Variants in PCDH9 observed in about 807,000 individuals in gnomAD.
PCDH9 encodes protocadherin-9.
A neutral mutation model predicts 70.6 loss-of-function variants in PCDH9; 24 were observed. That is an observed-to-expected ratio of 0.34 (90% CI 0.25 to 0.48). PCDH9 has a LOEUF of 0.48. PCDH9 is among the 20% of genes least tolerant of loss of function. The pLI is 0.99. For missense variants in PCDH9, 1,281 were observed against 1,503.6 expected, an observed-to-expected ratio of 0.85 and a Z score of 2.45; for synonymous variants, 562 against 558.5, an observed-to-expected ratio of 1.01 and a Z score of -0.09.
chr13:66,376,839 G>A (rs1161302949), intron 4 of PCDH9, among the ~76,000 whole-genome samples: 2 of 152,092 alleles, frequency 1.3e-5, no homozygotes, highest in African/African-American at 4.8e-5. Context: ...AAAAAAGATG[G>A]GCAAATGGCT....
At chr13:66,986,096 A>C (rs2083886580) in intron 2 of PCDH9, among the ~76,000 whole-genome samples, 1 of 152,060 alleles carries the variant, frequency 6.6e-6, no homozygotes, top group African/African-American at 2.4e-5. Flanking sequence ...GGGAGGCCTC[A>C]GGAAACTTAT....
intron 4 of PCDH9, among the ~76,000 whole-genome samples, chr13:66,630,381 T>TG (rs2077554174): frequency 6.6e-6 from 1 of 152,168 alleles, no homozygotes; most frequent in African/African-American, 2.4e-5. Context: ...AGACTGGGGA[T>TG]AATAATTGAT....
At chr13:66,705,231 A>G (rs1286475152) in intron 3 of PCDH9, among the ~76,000 whole-genome samples, 1 of 152,174 alleles carries the variant, frequency 6.6e-6, no homozygotes, top group Non-Finnish European at 1.5e-5. Context: ...TAAATGGCAC[A>G]TGTGCATGCC....
chr13:66,988,365 T>A (rs2083935836), intron 2 of PCDH9, among the ~76,000 whole-genome samples: 2 of 152,032 alleles, frequency 1.3e-5, no homozygotes, highest in Admixed American at 6.6e-5. Context: ...CCAGTTTCCC[T>A]TCCTTTTCTA....
At chr13:66,839,370 G>C (rs950059303) in intron 3 of PCDH9, among the ~76,000 whole-genome samples, 8 of 152,030 alleles carry the variant, frequency 5.3e-5, no homozygotes, top group African/African-American at 1.9e-4. Context: ...CTTTTCTCTA[G>C]TGTCTTTCCT....
chr13:66,467,533 G>GT (rs1958539260), intron 4 of PCDH9, among the ~76,000 whole-genome samples: 1 of 151,994 alleles, frequency 6.6e-6, no homozygotes, highest in Non-Finnish European at 1.5e-5. Context: ...TTACATCAGT[G>GT]TGCATATCCT....
At chr13:66,684,334 T>C (rs1007602295) in intron 3 of PCDH9, among the ~76,000 whole-genome samples, 1 of 152,174 alleles carries the variant, frequency 6.6e-6, no homozygotes, top group Non-Finnish European at 1.5e-5. Context: ...TTTACAGACA[T>C]GCCATCAATT....
chr13:66,790,671 T>A (rs1236976662), intron 3 of PCDH9, among the ~76,000 whole-genome samples: 1 of 152,032 alleles, frequency 6.6e-6, no homozygotes, highest in Non-Finnish European at 1.5e-5. Context: ...AATCCTATCC[T>A]TTTTCCCATG....
At chr13:67,191,915 T>C (rs989006907) in intron 2 of PCDH9, among the ~76,000 whole-genome samples, 2 of 152,112 alleles carry the variant, frequency 1.3e-5, no homozygotes, top group Non-Finnish European at 2.9e-5. Flanking sequence ...CAAGCCACTT[T>C]AGTACTCTGA....
chr13:67,159,698 A>G (rs1416104840), intron 2 of PCDH9, among the ~76,000 whole-genome samples: 2 of 152,204 alleles, frequency 1.3e-5, no homozygotes, highest in Non-Finnish European at 2.9e-5. Context: ...TTTGGCCTGA[A>G]AAATGGTAAC....
At chr13:66,583,540 C>A (rs1025608925) in intron 4 of PCDH9, among the ~76,000 whole-genome samples, 5 of 151,068 alleles carry the variant, frequency 3.3e-5, no homozygotes, top group African/African-American at 1.2e-4. Context: ...TGAATTCCGG[C>A]GGGGCGGAAG....
intron 3 of PCDH9, among the ~76,000 whole-genome samples, chr13:66,826,947 G>C (rs769035930): frequency 6.6e-6 from 1 of 152,150 alleles, no homozygotes; most frequent in Non-Finnish European, 1.5e-5. Context: ...ACCTGTAAAT[G>C]CTACCTTATA....
chr13:67,210,756 T>G (rs1400383288), intron 2 of PCDH9: 1 of 151,978 alleles, frequency 6.6e-6, no homozygotes, highest in Non-Finnish European at 1.5e-5. Context: ...AGAGAGAAAA[T>G]AATGTATTCT....
chr13:66,452,669 T>C (rs1958237326), intron 4 of PCDH9, among the ~76,000 whole-genome samples: 3 of 152,088 alleles, frequency 2.0e-5, no homozygotes, highest in Admixed American at 6.6e-5. Context: ...AATCCAAGAA[T>C]GCAATTACTT....
chr13:66,717,421 C>T (rs1381262397), intron 3 of PCDH9, among the ~76,000 whole-genome samples: 2 of 124,682 alleles, frequency 1.6e-5, no homozygotes, highest in Admixed American at 9.6e-5. Flanking sequence ...CACTGCACTC[C>T]AGCCTGGGTG....
At chr13:67,178,238 T>C (rs1468294001) in intron 2 of PCDH9, among the ~76,000 whole-genome samples, 4 of 152,058 alleles carry the variant, frequency 2.6e-5, no homozygotes, top group Admixed American at 1.3e-4. Flanking sequence ...AAAGATACTA[T>C]GAAAGTTAAA....
At chr13:66,729,961 A>G (rs2079051332) in intron 3 of PCDH9, among the ~76,000 whole-genome samples, 1 of 152,130 alleles carries the variant, frequency 6.6e-6, no homozygotes, top group Non-Finnish European at 1.5e-5. Context: ...TGCCCCTAAA[A>G]CCACAAAGTC....
At chr13:67,075,592 A>C (rs1404272627) in intron 2 of PCDH9, among the ~76,000 whole-genome samples, 1 of 152,074 alleles carries the variant, frequency 6.6e-6, no homozygotes, top group Non-Finnish European at 1.5e-5. Context: ...TTAAAATTTT[A>C]CTATCTCTTT....
At chr13:66,609,522 G>A (rs1566453372) in intron 4 of PCDH9, among the ~76,000 whole-genome samples, 1 of 152,016 alleles carries the variant, frequency 6.6e-6, no homozygotes, top group East Asian at 1.9e-4. Flanking sequence ...AGAAAACAGA[G>A]GCAGGATTTT....
Sources: allele counts gnomAD v4.1 joint callset (sites outside exome capture counted in the v4.1 genomes callset), GRCh38; gene constraint gnomAD v4.1.1; transcripts MANE v1.5; gene names NCBI Gene and HGNC (gene_info 2026-07-23, HGNC 2026-07-21).